The following SAMMSON variants were observed in gnomAD, a reference collection of about 807,000 sequenced individuals.
SAMMSON encodes the protein survival associated mitochondrial melanoma specific oncogenic non-coding RNA.
intron 3 of SAMMSON, among the ~76,000 whole-genome samples, chr3:70,048,821 G>A (rs1019275121): frequency 6.6e-6 from 1 of 152,110 alleles, no homozygotes; most frequent in Non-Finnish European, 1.5e-5. Context: ...TCACAGCTAA[G>A]AAATTTGAGA....
intron 3 of SAMMSON, among the ~76,000 whole-genome samples, chr3:70,042,649 A>G (rs762262839): frequency 1.3e-5 from 2 of 152,088 alleles, no homozygotes; most frequent in Non-Finnish European, 2.9e-5. Flanking sequence ...GTTGAGTTGT[A>G]GATCTCATTT....
exon 8 of SAMMSON, chr3:70,354,276 A>C (rs1003954945): frequency 1.3e-5 from 2 of 152,200 alleles, no homozygotes; most frequent in Admixed American, 1.3e-4. Flanking sequence ...CAAAACAAAA[A>C]GGTTAGTTAA....
chr3:70,387,798 G>T lies in SAMMSON; in HGVS notation n.914-1776G>T, dbSNP rs561245824. The stretch of plus-strand genomic sequence containing the variant: ...GTTCCATCATAACACTCCTACAGGG[G>T]CTGTATTAAATGTTCTACCTACCTC... On this transcript the variant is annotated intron_variant and non_coding_transcript_variant, in intron 9 of 9. Transcript: ENST00000642114. 2.7e-4 allele frequency among the ~76,000 whole-genome samples: 41 copies of T among 152,084 alleles called. 4 individuals carry two copies. The highest frequency in any genetic ancestry group is 4.3e-4 in the African/African-American group (18 of 41,510).
At chr3:70,296,559 A>G (rs1702291101) in intron 7 of SAMMSON, among the ~76,000 whole-genome samples, 2 of 151,710 alleles carry the variant, frequency 1.3e-5, no homozygotes, top group African/African-American at 4.9e-5. Context: ...AATCTACCCT[A>G]CATTTCTCTC....
In SAMMSON at chr3:70,078,774, T is replaced by C. The variant is rs560066732; in HGVS notation, n.507+7209T>C. Among the ~76,000 whole-genome samples, 7 of 152,292 alleles carry C rather than the reference T, an allele frequency of 4.6e-5. 1 individual carries two copies. The highest frequency in any genetic ancestry group is 1.4e-4 in the African/African-American group (6 of 41,562). The stretch of plus-strand genomic sequence containing the variant: ...CACCCATGGCACAAAACTTAAGTTG[T>C]TGGGCACGTTCAGGGTCATGGAAGT... On this transcript the variant is annotated intron_variant and non_coding_transcript_variant, in intron 4 of 9. Coordinates refer to ENST00000642114, the Ensembl canonical transcript of SAMMSON.
intron 7 of SAMMSON, among the ~76,000 whole-genome samples, chr3:70,340,389 T>TAC (rs1321556049): frequency 3.3e-5 from 5 of 151,190 alleles, no homozygotes; most frequent in Admixed American, 6.6e-5. Flanking sequence ...CTAAAGTATA[T>TAC]ATATATATAA....
At chr3:70,254,378 T>C (rs918164304) in intron 6 of SAMMSON, among the ~76,000 whole-genome samples, 6 of 152,194 alleles carry the variant, frequency 3.9e-5, no homozygotes, top group African/African-American at 1.4e-4. Context: ...ATTATTTTGT[T>C]TTGTACAAGT....
chr3:70,318,768 T>G (rs1559562746), intron 7 of SAMMSON, among the ~76,000 whole-genome samples: 1 of 152,030 alleles, frequency 6.6e-6, no homozygotes, highest in Non-Finnish European at 1.5e-5. Flanking sequence ...GTGTTGAATT[T>G]TGTCATAGCA....
intron 4 of SAMMSON, among the ~76,000 whole-genome samples, chr3:70,209,555 A>G (rs1027046117): frequency 6.6e-6 from 1 of 152,132 alleles, no homozygotes; most frequent in East Asian, 1.9e-4. Context: ...AATGAAGGTA[A>G]CCAAGGCTTA....
At chr3:70,221,779 G>A (rs1002684401) in intron 4 of SAMMSON, among the ~76,000 whole-genome samples, 2 of 152,100 alleles carry the variant, frequency 1.3e-5, no homozygotes, top group East Asian at 1.9e-4. Context: ...TGATTATATC[G>A]AGCATCATTG....
intron 4 of SAMMSON, among the ~76,000 whole-genome samples, chr3:70,139,879 C>T (rs2067521006): frequency 6.6e-6 from 1 of 152,154 alleles, no homozygotes; most frequent in South Asian, 2.1e-4. Flanking sequence ...TGATGAATAG[C>T]ACCTGGCTCC....
At chr3:70,018,339 C>A (rs1296117126) in intron 3 of SAMMSON, among the ~76,000 whole-genome samples, 1 of 152,076 alleles carries the variant, frequency 6.6e-6, no homozygotes, top group Admixed American at 6.5e-5. Context: ...GGAATTTATC[C>A]ATTTCTTCTA....
intron 4 of SAMMSON, among the ~76,000 whole-genome samples, chr3:70,234,334 A>C (rs910970463): frequency 6.6e-6 from 1 of 152,186 alleles, no homozygotes; most frequent in Non-Finnish European, 1.5e-5. Flanking sequence ...TTTGGGATAA[A>C]AAGCAAACAG....
At chr3:70,344,758 C>T (rs527919507) in intron 7 of SAMMSON, among the ~76,000 whole-genome samples, 12 of 152,136 alleles carry the variant, frequency 7.9e-5, no homozygotes, top group Non-Finnish European at 1.6e-4. Context: ...TGAGTGTGAA[C>T]GGCTGAACAG....
intron 3 of SAMMSON, among the ~76,000 whole-genome samples, chr3:70,061,345 C>A (rs2067189725): frequency 6.6e-6 from 1 of 152,102 alleles, no homozygotes; most frequent in African/African-American, 2.4e-5. Context: ...GCCAGAGGTC[C>A]TAAATTGGCA....
intron 7 of SAMMSON, among the ~76,000 whole-genome samples, chr3:70,330,778 C>T (rs1439735450): frequency 6.6e-6 from 1 of 151,966 alleles, no homozygotes; most frequent in South Asian, 2.1e-4. Context: ...AATTGCCTCA[C>T]ATCTCAGTAA....
intron 4 of SAMMSON, among the ~76,000 whole-genome samples, chr3:70,081,646 C>T (rs1238011109): frequency 6.6e-6 from 1 of 152,166 alleles, no homozygotes; most frequent in African/African-American, 2.4e-5. Context: ...AGTATGGGCT[C>T]AGTATATATT....
Position 70,206,841 on chromosome 3 carries a change from A to T in SAMMSON, n.508-42266A>T, listed in dbSNP as rs139201384. On this transcript the variant is annotated intron_variant and non_coding_transcript_variant, in intron 4 of 9. Coordinates refer to ENST00000642114, the Ensembl canonical transcript of SAMMSON. ...ACAGAAACCCACTATGGTTTACGTG[A>T]CCTAGTGACCTAAGAATGCAGAAAT... The T allele has an allele frequency of 8.8e-5, 35 of 396,788 alleles. No homozygotes were observed. In the East Asian group the frequency reaches 1.2e-3, roughly 14 times the overall value. The allele number at this position is 396,788 out of a possible 1,614,324, so 24.6% of individuals were successfully genotyped here.
chr3:70,154,338 A>C (rs2067583334), intron 4 of SAMMSON, among the ~76,000 whole-genome samples: 1 of 152,044 alleles, frequency 6.6e-6, no homozygotes, highest in African/African-American at 2.4e-5. Flanking sequence ...TCATCTTATA[A>C]AGAGTAAACT....
Sources: gnomAD v4.1 joint callset for allele counts (sites outside exome capture counted in the v4.1 genomes callset) on GRCh38, gnomAD v4.1.1 for gene constraint, MANE v1.5 for transcripts, NCBI Gene and HGNC (gene_info 2026-07-23, HGNC 2026-07-21) for gene names.